The following DLGAP2 variants were observed in gnomAD, a reference collection of about 807,000 sequenced individuals.
DLGAP2 encodes DLG associated protein 2, also known as disks large-associated protein 2.
In DLGAP2, 26 loss-of-function variants were observed where a neutral mutation model predicts 100.3. That is an observed-to-expected ratio of 0.26 (90% CI 0.19 to 0.36). The LOEUF is 0.36. Ranked by LOEUF, DLGAP2 falls within the 10% of genes least tolerant of loss-of-function variation. DLGAP2 has a pLI of 1.00. For synonymous variants in DLGAP2, 886 were observed against 630.1 expected (o/e 1.41, Z -6.08); for missense variants, 1,858 against 1,453.2 (o/e 1.28, Z -4.53).
At chr8:839,211 G>T (rs1796936944) in intron 1 of DLGAP2, among the ~76,000 whole-genome samples, 1 of 152,132 alleles carries the variant, frequency 6.6e-6, no homozygotes, top group African/African-American at 2.4e-5. Flanking sequence ...ACTACCATGT[G>T]ATCCAGCCGT....
At chr8:956,031 G>C (rs541516567) in intron 2 of DLGAP2, among the ~76,000 whole-genome samples, 1 of 152,288 alleles carries the variant, frequency 6.6e-6, no homozygotes, top group East Asian at 1.9e-4. Context: ...CAGAAAGATG[G>C]GGTGATGGTG....
chr8:817,003 C>T lies in DLGAP2; in HGVS notation c.18+79178C>T, dbSNP rs184047382. Among the ~76,000 whole-genome samples, 321 of 152,138 alleles carry T rather than the reference C, an allele frequency of 2.1e-3. 3 individuals carry two copies. Among genetic ancestry groups the T allele is most frequent in the African/African-American group, 7.4e-3 (306 of 41,544 alleles). On this transcript the variant is annotated intron_variant, in intron 1 of 14. Transcript: ENST00000637795. ...AAAATACAACAAAATTAGCCTGGCGCGGTGGTGGGCGCCTGTAGTCCCAGC... is the reference window on the plus strand; with the variant it reads ...AAAATACAACAAAATTAGCCTGGCGTGGTGGTGGGCGCCTGTAGTCCCAGC...
intron 2 of DLGAP2, among the ~76,000 whole-genome samples, chr8:1,180,178 T>G (rs1218911478): frequency 1.3e-5 from 2 of 152,174 alleles, no homozygotes; most frequent in African/African-American, 4.8e-5. Flanking sequence ...ATTACACTTT[T>G]TTCTGATAAA....
intron 3 of DLGAP2, among the ~76,000 whole-genome samples, chr8:1,437,360 GT>G (rs1423118954): frequency 6.6e-6 from 1 of 151,854 alleles, no homozygotes. Flanking sequence ...GCCACCTTAC[GT>G]TTCTCTGAAT....
intron 1 of DLGAP2, among the ~76,000 whole-genome samples, chr8:862,550 C>T (rs1490987948): frequency 6.6e-6 from 1 of 152,152 alleles, no homozygotes; most frequent in Non-Finnish European, 1.5e-5. Context: ...GATCTGGCCT[C>T]CCAAAGTGCT....
Position 1,276,627 on chromosome 8 carries a change from C to CGTCTAGA in DLGAP2, c.106+17745_106+17746insTCTAGAG, listed in dbSNP as rs760750073. On this transcript the variant is annotated intron_variant, in intron 3 of 14. Coordinates refer to ENST00000637795, the MANE Select transcript of DLGAP2 (RefSeq NM_001346810.2). ...AGCCCAAAGGTGGTGCGTCTTGTGT[C>CGTCTAGA]GGTGCTTTGACTTCCCAGCACACGT... Among the ~76,000 whole-genome samples the CGTCTAGA allele has an allele frequency of 6.0e-3, 915 of 152,180 alleles. 11 individuals carry two copies. The highest frequency in any genetic ancestry group is 0.032 in the Admixed American group (488 of 15,280).
intron 3 of DLGAP2, among the ~76,000 whole-genome samples, chr8:1,303,065 G>C (rs1800397102): frequency 6.6e-6 from 1 of 152,208 alleles, no homozygotes; most frequent in Non-Finnish European, 1.5e-5. Context: ...CCTCGCAGGG[G>C]AGCGAGCGTC....
chr8:782,340 A>T (rs924424253), intron 1 of DLGAP2, among the ~76,000 whole-genome samples: 4 of 152,088 alleles, frequency 2.6e-5, no homozygotes, highest in African/African-American at 7.2e-5. Context: ...TGATTTTTTT[A>T]AAAAAATCAT....
At chr8:1,552,771 CTT>C (rs1172047164) in intron 5 of DLGAP2, among the ~76,000 whole-genome samples, 1 of 152,224 alleles carries the variant, frequency 6.6e-6, no homozygotes, top group Non-Finnish European at 1.5e-5. Context: ...GACAGGATCA[CTT>C]TTCATTTTCA....
intron 3 of DLGAP2, among the ~76,000 whole-genome samples, chr8:1,333,117 C>A (rs1446994675): frequency 1.3e-5 from 2 of 152,150 alleles, no homozygotes; most frequent in Non-Finnish European, 1.5e-5. Context: ...TCCTCCTAAG[C>A]AGATGGACCT....
At chr8:851,173 G>C (rs1378766599) in intron 1 of DLGAP2, among the ~76,000 whole-genome samples, 2 of 152,230 alleles carry the variant, frequency 1.3e-5, no homozygotes, top group African/African-American at 4.8e-5. Flanking sequence ...TGTCTTTGGT[G>C]TTCAGTATAG....
At chr8:761,075 C>G (rs1821071382) in intron 1 of DLGAP2, among the ~76,000 whole-genome samples, 1 of 152,232 alleles carries the variant, frequency 6.6e-6, no homozygotes, top group Non-Finnish European at 1.5e-5. Flanking sequence ...GGGCGCCGTT[C>G]TGAACCATTC....
intron 2 of DLGAP2, chr8:1,248,752 G>T (rs1322466080): frequency 2.0e-5 from 3 of 152,764 alleles, no homozygotes; most frequent in African/African-American, 7.2e-5. Flanking sequence ...GAAGTGGACG[G>T]TGAGGTTCAC....
chr8:1,298,234 A>C (rs1800238110), intron 3 of DLGAP2, among the ~76,000 whole-genome samples: 1 of 152,160 alleles, frequency 6.6e-6, no homozygotes, highest in Non-Finnish European at 1.5e-5. Context: ...ATGTGATCTT[A>C]TTTCAGCATC....
intron 2 of DLGAP2, among the ~76,000 whole-genome samples, chr8:1,065,978 C>T (rs973919373): frequency 6.6e-6 from 1 of 152,216 alleles, no homozygotes; most frequent in African/African-American, 2.4e-5. Flanking sequence ...GGACACTGTC[C>T]AGCCTGAGCG....
chr8:746,079 G>A (rs1004059002), intron 1 of DLGAP2, among the ~76,000 whole-genome samples: 3 of 152,166 alleles, frequency 2.0e-5, no homozygotes, highest in Admixed American at 6.5e-5. Flanking sequence ...GGTCCTGGTC[G>A]GGGCCCGTGT....
chr8:842,328 G>A (rs913825161), intron 1 of DLGAP2, among the ~76,000 whole-genome samples: 2 of 152,182 alleles, frequency 1.3e-5, no homozygotes, highest in African/African-American at 2.4e-5. Flanking sequence ...GGTTTGCTGC[G>A]TATGCAATGA....
chr8:1,577,850 C>A (rs578118038), intron 6 of DLGAP2, among the ~76,000 whole-genome samples: 8 of 152,312 alleles, frequency 5.3e-5, no homozygotes, highest in African/African-American at 1.9e-4. Flanking sequence ...CCTCCTCAAC[C>A]TGCCCCTGGC....
chr8:1,188,220 A>G (rs1362422105), intron 2 of DLGAP2, among the ~76,000 whole-genome samples: 3 of 137,052 alleles, frequency 2.2e-5, no homozygotes, highest in Non-Finnish European at 4.6e-5. Flanking sequence ...GGAATCTCAC[A>G]CGCCCGGGAC....
Sources: gnomAD v4.1 joint callset for allele counts (sites outside exome capture counted in the v4.1 genomes callset) on GRCh38, gnomAD v4.1.1 for gene constraint, MANE v1.5 for transcripts, NCBI Gene and HGNC (gene_info 2026-07-23, HGNC 2026-07-21) for gene names.